PTPRK: variants seen among roughly 807,000 people sequenced by gnomAD.
PTPRK encodes the protein receptor-type tyrosine-protein phosphatase kappa.
A neutral mutation model predicts 178.0 loss-of-function variants in PTPRK; 75 were observed. The ratio of observed to expected loss-of-function variants is 0.42; its 90% CI spans 0.35 to 0.51. PTPRK has a LOEUF of 0.51. PTPRK is among the 20% of genes least tolerant of loss of function. PTPRK has a pLI of 0.02. For missense variants in PTPRK, 1,441 were observed against 1,797.8 expected (o/e 0.80, Z 3.59); for synonymous variants, 637 against 620.6 (o/e 1.03, Z -0.39).
chr6:127,999,482 G>A (rs1348810125), intron 15 of PTPRK, among the ~76,000 whole-genome samples: 3 of 151,940 alleles, frequency 2.0e-5, no homozygotes, highest in African/African-American at 4.8e-5. Context: ...CAGACTACAC[G>A]TGCATTTATA....
intron 3 of PTPRK, among the ~76,000 whole-genome samples, chr6:128,256,025 T>C (rs1197614107): frequency 6.6e-6 from 1 of 152,212 alleles, no homozygotes; most frequent in Non-Finnish European, 1.5e-5. Flanking sequence ...CAATTAGCCA[T>C]GTATTTATTC....
intron 6 of PTPRK, among the ~76,000 whole-genome samples, chr6:128,214,940 T>A (rs1006455928): frequency 6.6e-6 from 1 of 152,154 alleles, no homozygotes; most frequent in East Asian, 1.9e-4. Context: ...CTAACCCCCA[T>A]TTATAGCTAG....
At chr6:127,985,904 AAAAGCCATTTTAATGGCCAAAAT>A in intron 21 of PTPRK, 29 bp from the exon 22 acceptor site, 1 of 1,587,126 alleles carries the variant, frequency 6.3e-7, no homozygotes, top group Non-Finnish European at 8.6e-7. Flanking sequence ...AAATGTTTTC[AAAAGCCATTTTAATGGCCAAAAT>A]AAAGCCATTA....
chr6:128,297,593 A>C (rs1331489204), intron 3 of PTPRK, among the ~76,000 whole-genome samples: 1 of 152,236 alleles, frequency 6.6e-6, no homozygotes, highest in Non-Finnish European at 1.5e-5. Flanking sequence ...GCTCAACTAC[A>C]TGGAAACTGA....
At chr6:128,240,289 CT>C (rs547075341) in intron 4 of PTPRK, 139 bp from the exon 5 acceptor site, 1 of 644,188 alleles carries the variant, frequency 1.6e-6, no homozygotes, top group Non-Finnish European at 2.7e-6. Flanking sequence ...AACTGAGGGG[CT>C]TTTTTTGTGC....
chr6:128,049,595 C>A lies in PTPRK; in HGVS notation c.2194+15163G>T, dbSNP rs1464066848. 2.6e-5 allele frequency among the ~76,000 whole-genome samples: 4 copies of A among 151,802 alleles called. No individual in the cohort carries two copies. The South Asian group carries it at 8.3e-4, about 32-fold the overall frequency. ...TTTTGTTAGTTTAATATGGATAAAG[C>A]ATATTTCTAGTGAAATACTTTTAAA... On this transcript the variant is annotated intron_variant, in intron 13 of 29. Transcript: ENST00000368226.
rs1442313818 is a variant in PTPRK, at chr6:127,998,851, A to G, written c.2548T>C (p.Tyr850His). The G allele has an allele frequency of 8.7e-6, 14 of 1,605,116 alleles. No individual in the cohort carries two copies. Among genetic ancestry groups the G allele is most frequent in the Non-Finnish European group, 1.1e-5 (13 of 1,174,328 alleles). ...GGGGATTCCGTCCCCTCACAGAGGT[A>G]GCGAGGTACGTCTAGAAGGCGACTG... ...ESSRLLDVPR[Y>H]LCEGTESPYQ... Residue 850 changes from tyrosine to histidine, a missense_variant, in exon 16 of 30, where the codon TAC (tyrosine) becomes CAC (histidine). Tyr to His is a moderately conservative substitution (Grantham distance 83). Transcript: ENST00000368226.
chr6:128,379,580 A>G (rs889472234), intron 2 of PTPRK, among the ~76,000 whole-genome samples: 1 of 152,226 alleles, frequency 6.6e-6, no homozygotes, highest in African/African-American at 2.4e-5. Context: ...TGTAAGTGCT[A>G]GAGTCCAGAG....
At chr6:128,333,947 C>T (rs555753460) in intron 2 of PTPRK, among the ~76,000 whole-genome samples, 19 of 152,160 alleles carry the variant, frequency 1.2e-4, no homozygotes, top group African/African-American at 2.9e-4. Context: ...AAAGGGCCAC[C>T]GTAGGGTTAC....
At chr6:127,988,589 T>C (rs936523375) in intron 21 of PTPRK, among the ~76,000 whole-genome samples, 3 of 152,088 alleles carry the variant, frequency 2.0e-5, no homozygotes, top group Non-Finnish European at 4.4e-5. Flanking sequence ...ACCTAATTTT[T>C]GAGAATCAGC....
intron 7 of PTPRK, among the ~76,000 whole-genome samples, chr6:128,178,907 A>G (rs983074312): frequency 6.6e-6 from 1 of 151,900 alleles, no homozygotes; most frequent in East Asian, 1.9e-4. Context: ...ATGAAATAGT[A>G]ACCATGGTTT....
At chr6:128,156,495 G>A (rs931557224) in intron 7 of PTPRK, among the ~76,000 whole-genome samples, 1 of 151,822 alleles carries the variant, frequency 6.6e-6, no homozygotes, top group East Asian at 1.9e-4. Context: ...GAGAGAGAGA[G>A]ACAGTGAAGG....
intron 3 of PTPRK, among the ~76,000 whole-genome samples, chr6:128,299,567 G>A (rs1249839189): frequency 2.9e-4 from 44 of 151,134 alleles, no homozygotes; most frequent in East Asian, 7.8e-4. Context: ...AAATAATGCC[G>A]CATATCTACA....
At chr6:128,083,465 C>T (rs910175919) in intron 9 of PTPRK, among the ~76,000 whole-genome samples, 3 of 151,736 alleles carry the variant, frequency 2.0e-5, no homozygotes, top group African/African-American at 7.3e-5. Flanking sequence ...ATCCTGCTTC[C>T]CTAAATCAAC....
At chr6:128,285,813 CA>C (rs1396923074) in intron 3 of PTPRK, among the ~76,000 whole-genome samples, 1 of 147,160 alleles carries the variant, frequency 6.8e-6, no homozygotes, top group Non-Finnish European at 1.5e-5. Flanking sequence ...AAAAAGTCTC[CA>C]AAATAAATAA....
At position 128,090,919 on chromosome 6, in the gene PTPRK, T is replaced by C. The variant is rs1305056209; in HGVS notation, c.1163-927A>G. On this transcript the variant is annotated intron_variant, in intron 7 of 29. Coordinates refer to ENST00000368226, the MANE Select transcript of PTPRK (RefSeq NM_002844.4). ...GATTTCCGATGCCTCTCTTAACTCA[T>C]TAAAGATAGTCAAATTCTTGCTAAA... Among the ~76,000 whole-genome samples, 3 of 152,184 alleles carry C rather than the reference T, an allele frequency of 2.0e-5. No homozygotes were observed. The East Asian group carries it at 5.8e-4, about 29-fold the overall frequency.
At chr6:128,380,321 A>G (rs557510568) in intron 2 of PTPRK, among the ~76,000 whole-genome samples, 3 of 152,222 alleles carry the variant, frequency 2.0e-5, no homozygotes, top group Non-Finnish European at 2.9e-5. Flanking sequence ...AGAAAAAAGT[A>G]TCAACTTTGA....
chr6:128,121,145 CTT>C (rs1792394155), intron 7 of PTPRK, among the ~76,000 whole-genome samples: 2 of 151,794 alleles, frequency 1.3e-5, no homozygotes, highest in Admixed American at 1.3e-4. Flanking sequence ...AAATCAAAAA[CTT>C]TGAAAACATA....
chr6:128,045,791 T>C (rs1300319682), intron 13 of PTPRK, among the ~76,000 whole-genome samples: 2 of 152,114 alleles, frequency 1.3e-5, no homozygotes, highest in African/African-American at 4.8e-5. Flanking sequence ...TTGATACCCA[T>C]ACCCTCATGA....
Sources: allele counts gnomAD v4.1 joint callset (sites outside exome capture counted in the v4.1 genomes callset), GRCh38; gene constraint gnomAD v4.1.1; transcripts MANE v1.5; gene names NCBI Gene and HGNC (gene_info 2026-07-23, HGNC 2026-07-21).